The following EIF3G variants were observed in gnomAD, a reference collection of about 807,000 sequenced individuals.
EIF3G encodes eukaryotic translation initiation factor 3 RNA-binding subunit.
EIF3G carries 10 observed loss-of-function variants against 41.7 expected under a neutral mutation model. The ratio of observed to expected loss-of-function variants is 0.24; its 90% CI spans 0.15 to 0.41. The LOEUF is 0.41. EIF3G is among the 10% of genes least tolerant of loss of function. The pLI is 1.00. For synonymous variants in EIF3G, 204 were observed against 172.5 expected (o/e 1.18, Z -1.43); for missense variants, 297 against 444.0 (o/e 0.67, Z 2.98).
At position 10,115,595 on chromosome 19, in the gene EIF3G, G is replaced by A; in HGVS notation, c.841-10C>T. On this transcript the variant is annotated splice_polypyrimidine_tract_variant and intron_variant, in intron 9 of 10. Transcript: ENST00000253108. ...TGATGAAGGCAAAGCCCTGTGGAGG[G>A]GCGGGATGGGGTCGGGCACGAGCTA... 1 of 1,612,350 alleles carries A rather than the reference G, an allele frequency of 6.2e-7. No homozygotes were observed. The highest frequency in any genetic ancestry group is 1.1e-5 in the South Asian group (1 of 90,974).
chr19:10,118,288 G>A (rs542310698), intron 5 of EIF3G: 291 of 247,640 alleles, frequency 1.2e-3, no homozygotes, highest in Non-Finnish European at 2.0e-3. Context: ...AAGCCTGGCC[G>A]GGTGCGATGG....
rs1285773197 is a variant in EIF3G, at chr19:10,116,656, A to G, written c.595+144T>C. The G allele has an allele frequency of 3.8e-6, 3 of 790,948 alleles. No homozygotes were observed. Among genetic ancestry groups the G allele is most frequent in the Non-Finnish European group, 5.9e-6 (3 of 504,292 alleles). The allele number at this position is 790,948 out of a possible 1,614,324, so 49.0% of individuals were successfully genotyped here. A position where few individuals can be genotyped will look rare whatever the true frequency, so the allele number is the denominator to read the frequency against. ...CGCCCGTCTCCCAACCATAGGAGGTACAGCCAATTAGGAAGGCACAGACGC... is the reference window on the plus strand; with the variant it reads ...CGCCCGTCTCCCAACCATAGGAGGTGCAGCCAATTAGGAAGGCACAGACGC... On this transcript the variant is annotated intron_variant, in intron 7 of 10. Transcript: ENST00000253108. The surrounding 1 kb of genome is among the most constrained non-coding windows in gnomAD (Gnocchi z 4.1).
Position 10,115,636 on chromosome 19 carries a change from G to T in EIF3G, c.840+48C>A, listed in dbSNP as rs549483404. 181 of 1,611,812 alleles carry T rather than the reference G, an allele frequency of 1.1e-4. No individual in the cohort carries two copies. In the South Asian group the frequency reaches 1.9e-3, roughly 17 times the overall value. The stretch of plus-strand genomic sequence containing the variant: ...GCACGAGCTAGGACAGGCGACCCTA[G>T]GACAAGTGACCCTCACACAGCCCCA... On this transcript the variant is annotated intron_variant, in intron 9 of 10. Transcript: ENST00000253108.
At chr19:10,119,565 A>G in intron 2 of EIF3G, 89 bp downstream of exon 2, 1 of 1,452,732 alleles carries the variant, frequency 6.9e-7, no homozygotes, top group Non-Finnish European at 9.4e-7. Context: ...GTGACGGGGT[A>G]CACGGTGCCA....
At position 10,116,069 on chromosome 19, in the gene EIF3G, C is replaced by T. The variant is rs1302395089; in HGVS notation, c.601G>A (p.Glu201Lys). Residue 201 changes from glutamate (E) to lysine (K), a missense_variant, in exon 8 of 11, where the codon GAG (glutamate) becomes AAG (lysine). Physicochemically the swap from Glu to Lys is moderately conservative, Grantham distance 56. Around this residue, in one of 4 missense-constraint regions of EIF3G, gnomAD observed 33 missense variants for 30.3 expected, o/e 1.09. Coordinates refer to ENST00000253108, the MANE Select transcript of EIF3G (RefSeq NM_003755.5). The surrounding 1 kb of genome is among the most constrained non-coding windows in gnomAD (Gnocchi z 4.1). The stretch of plus-strand genomic sequence containing the variant: ...TTGTTCTGCGTGGCCTGCACCGGCT[C>T]TAGCTCTGGGGACCAAAAGACAGTC... ...GEKEKLPGEL[E>K]PVQATQNKTG... 6.2e-7 allele frequency: 1 copy of T among 1,613,750 alleles called. No individual in the cohort carries two copies. The highest frequency in any genetic ancestry group is 8.5e-7 in the Non-Finnish European group (1 of 1,179,818).
intron 10 of EIF3G, 165 bp from the exon 11 acceptor site, chr19:10,115,294 A>G: frequency 9.0e-7 from 1 of 1,112,112 alleles, no homozygotes; most frequent in South Asian, 1.6e-5. Context: ...ACGGACTGGC[A>G]GGGACCCCAG....
intron 5 of EIF3G, among the ~76,000 whole-genome samples, chr19:10,117,909 C>T (rs2089273257): frequency 2.6e-5 from 4 of 151,878 alleles, no homozygotes; most frequent in Admixed American, 1.3e-4. Context: ...TAAAATTAGC[C>T]GGTGTGGCAG....
intron 3 of EIF3G, 57 bp from the exon 4 acceptor site, chr19:10,119,013 C>G (rs763213357): frequency 6.2e-7 from 1 of 1,612,908 alleles, no homozygotes; most frequent in Non-Finnish European, 8.5e-7. Flanking sequence ...GGATCAGGAG[C>G]GGCAGGGCTG....
intron 5 of EIF3G, chr19:10,117,505 T>G (rs1399085191): frequency 3.4e-6 from 1 of 294,884 alleles, no homozygotes; most frequent in Non-Finnish European, 6.3e-6. Context: ...CACCTAGACC[T>G]CCGGGCCCTT....
chr19:10,115,419 C>G, intron 10 of EIF3G, 60 bp downstream of exon 10: 1 of 1,541,730 alleles, frequency 6.5e-7, no homozygotes, highest in Non-Finnish European at 8.8e-7. Context: ...TGGCCCAACA[C>G]TCCGTGAAGG....
chr19:10,115,556 G>A lies in EIF3G; in HGVS notation c.870C>T (p.Arg290=), dbSNP rs766685708. 3.8e-5 allele frequency: 61 copies of A among 1,613,740 alleles called. No individual in the cohort carries two copies. The highest frequency in any genetic ancestry group is 1.6e-4 in the Middle Eastern group (1 of 6,084). Residue 290 remains arginine, a synonymous_variant, in exon 10 of 11, where the codon CGC becomes CGT. Transcript: ENST00000253108. The part of the protein sequence containing the change: ...KGFAFISFHR[R]EDAARAIAGV... Reference sequence around the variant, plus strand: ...CGGCAATGGCACGCGCAGCATCCTCGCGGCGGTGGAAGCTGATGAAGGCAA... The same window carrying A: ...CGGCAATGGCACGCGCAGCATCCTCACGGCGGTGGAAGCTGATGAAGGCAA...
At chr19:10,119,045 C>A in intron 3 of EIF3G, 43 bp downstream of exon 3, 1 of 1,603,940 alleles carries the variant, frequency 6.2e-7, no homozygotes, top group East Asian at 2.2e-5. Flanking sequence ...AGCCCGGACA[C>A]CGAGTGGCAG....
At chr19:10,119,807 T>C in intron 1 of EIF3G, 33 bp downstream of exon 1, 2 of 1,614,208 alleles carry the variant, frequency 1.2e-6, no homozygotes, top group Non-Finnish European at 1.7e-6. Context: ...CCCCAACCGC[T>C]TCCCGTGCCC....
chr19:10,119,805 G>A (rs2089291055), intron 1 of EIF3G, 35 bp downstream of exon 1: 3 of 1,614,096 alleles, frequency 1.9e-6, no homozygotes, highest in African/African-American at 2.7e-5. Flanking sequence ...CACCCCAACC[G>A]CTTCCCGTGC....
In EIF3G at chr19:10,118,727, T is replaced by G; in HGVS notation, c.241A>C (p.Ile81Leu). 1 of 1,613,788 alleles carries G rather than the reference T, an allele frequency of 6.2e-7. No individual in the cohort carries two copies. The highest frequency in any genetic ancestry group is 8.5e-7 in the Non-Finnish European group (1 of 1,179,938). The change falls in exon 5 of 11, where the codon ATT (isoleucine) becomes CTT (leucine). Residue 81 changes from isoleucine (I) to leucine (L), a missense_variant and splice_region_variant. Coordinates refer to ENST00000253108, the MANE Select transcript of EIF3G (RefSeq NM_003755.5). ...KIDEDGKKFK[I>L]VRTFRIETRK... ...GTCTCAATCCTGAAGGTGCGGACAA[T>G]CTGAGGATGGGAGGGGAGAAGGGTC... is the stretch of plus-strand genomic sequence containing the variant.
chr19:10,116,240 G>C lies in EIF3G; in HGVS notation c.596-166C>G. ...ACACCAAGGTGACACCTGAGAAGCT[G>C]ACACCATTTGAGCTCCCAGCCAGCG... On this transcript the variant is annotated intron_variant, in intron 7 of 10. Transcript: ENST00000253108. The surrounding 1 kb of genome is among the most constrained non-coding windows in gnomAD (Gnocchi z 4.1). 1 of 654,910 alleles carries C rather than the reference G, an allele frequency of 1.5e-6. No individual in the cohort carries two copies. Among genetic ancestry groups the C allele is most frequent in the Non-Finnish European group, 2.6e-6 (1 of 383,550 alleles). The allele number at this position is 654,910 out of a possible 1,614,324, so 40.6% of individuals were successfully genotyped here.
intron 2 of EIF3G, 194 bp from the exon 3 acceptor site, chr19:10,119,365 G>A: frequency 1.3e-6 from 1 of 776,892 alleles, no homozygotes; most frequent in Non-Finnish European, 2.2e-6. Context: ...TCCCTCGTAG[G>A]AAGGTGGGTG....
chr19:10,117,121 C>G lies in EIF3G; in HGVS notation c.368G>C (p.Ser123Thr). Residue 123 changes from serine (S) to threonine (T), a missense_variant, in exon 6 of 11, where the codon AGT becomes ACT. Around this residue, in one of 4 missense-constraint regions of EIF3G, gnomAD observed 147 missense variants for 162.4 expected, o/e 0.91. Coordinates refer to ENST00000253108, the MANE Select transcript of EIF3G (RefSeq NM_003755.5). ...GATGAACGTCATAGAGACATCGTCA[C>G]TGACAGTGGTGGTGGCCACATTGGG... ...PGPNVATTTVSDDVSMTFITS... is the reference protein window; with the variant it reads ...PGPNVATTTVTDDVSMTFITS... 6.2e-7 allele frequency: 1 copy of G among 1,613,810 alleles called. No homozygotes were observed. The highest frequency in any genetic ancestry group is 8.5e-7 in the Non-Finnish European group (1 of 1,179,858).
At chr19:10,118,555 A>G in intron 5 of EIF3G, 113 bp downstream of exon 5, 1 of 1,189,836 alleles carries the variant, frequency 8.4e-7, no homozygotes, top group East Asian at 2.4e-5. Flanking sequence ...ACAGAGCAAC[A>G]CTCTGTCTCA....
Sources: allele counts gnomAD v4.1 joint callset (sites outside exome capture counted in the v4.1 genomes callset), GRCh38; gene constraint gnomAD v4.1.1; regional missense constraint gnomAD v4.1.1; non-coding constraint Gnocchi (gnomAD v3.1); transcripts MANE v1.5; gene names NCBI Gene and HGNC (gene_info 2026-07-23, HGNC 2026-07-21).